The following MAPRE2 variants were observed in gnomAD, a reference collection of about 807,000 sequenced individuals.
MAPRE2 encodes microtubule-associated protein RP/EB family member 2.
A neutral mutation model predicts 43.2 loss-of-function variants in MAPRE2; 13 were observed. That is an observed-to-expected ratio of 0.30 (90% CI 0.20 to 0.48). MAPRE2 has a LOEUF of 0.48. Among genes scored for constraint, MAPRE2 ranks in the 20% least tolerant of loss-of-function variants. The pLI is 0.99. For synonymous variants in MAPRE2, 135 were observed against 148.8 expected (o/e 0.91, Z 0.68); for missense variants, 161 against 400.2 (o/e 0.40, Z 5.10).
intron 2 of MAPRE2, among the ~76,000 whole-genome samples, chr18:35,096,297 A>G (rs1908413778): frequency 6.6e-6 from 1 of 152,186 alleles, no homozygotes; most frequent in Admixed American, 6.5e-5. Flanking sequence ...GGAGATAGCA[A>G]AGAAAGAATG....
At chr18:35,087,228 G>A (rs901922659) in intron 2 of MAPRE2, among the ~76,000 whole-genome samples, 1 of 152,070 alleles carries the variant, frequency 6.6e-6, no homozygotes, top group Admixed American at 6.6e-5. Context: ...TAGGGCTGCA[G>A]GGGTACAGAC....
chr18:34,978,380 G>A (rs1384984058), intron 1 of MAPRE2: 4 of 824,280 alleles, frequency 4.9e-6, no homozygotes, highest in Non-Finnish European at 8.2e-6. Flanking sequence ...TATCGACCCT[G>A]GGGCCGCGCT....
chr18:35,031,258 T>C (rs986180157), intron 2 of MAPRE2, among the ~76,000 whole-genome samples: 3 of 152,250 alleles, frequency 2.0e-5, no homozygotes, highest in Admixed American at 1.3e-4. Flanking sequence ...TAGCACATAG[T>C]AAGTTCTCAA....
At chr18:35,107,899 A>G (rs1174013293) in intron 4 of MAPRE2, among the ~76,000 whole-genome samples, 3 of 150,896 alleles carry the variant, frequency 2.0e-5, no homozygotes, top group Non-Finnish European at 3.0e-5. Flanking sequence ...TTTCCCTTTA[A>G]TTCTCTCCAT....
chr18:35,005,535 G>T (rs1568969105), exon 2 of MAPRE2: 3 of 1,543,564 alleles, frequency 1.9e-6, no homozygotes, highest in Non-Finnish European at 1.8e-6. Context: ...CAGCCAGGGA[G>T]AAAGCCTGGA....
intron 2 of MAPRE2, chr18:35,082,385 G>A (rs138637630): frequency 1.1e-3 from 163 of 151,870 alleles, no homozygotes; most frequent in African/African-American, 3.6e-3. Flanking sequence ...ATCAGCATTG[G>A]TTTGCCTACC....
chr18:35,039,479 G>A (rs186339107), upstream of MAPRE2, among the ~76,000 whole-genome samples: 32 of 152,352 alleles, frequency 2.1e-4, no homozygotes, highest in Admixed American at 2.0e-3. Context: ...AAAATCTTAT[G>A]TAAAGTGAGA....
intron 1 of MAPRE2, among the ~76,000 whole-genome samples, chr18:34,991,923 T>C (rs1306904815): frequency 2.6e-5 from 4 of 152,212 alleles, no homozygotes; most frequent in Non-Finnish European, 4.4e-5. Context: ...GGAAGAGATT[T>C]TTAACACTAT....
Position 35,140,395 on chromosome 18 carries a change from C to G in MAPRE2, c.*26C>G, listed in dbSNP as rs3786313. The G allele has an allele frequency of 6.3e-7, 1 of 1,588,426 alleles. No individual in the cohort carries two copies. ...CCCACCCCGGCTGCTCTTGACACTT[C>G]CATTGTGTGTGGGAACGTTTCTTCT... On this transcript the variant is annotated 3_prime_UTR_variant, in exon 7 of 7. Transcript: ENST00000300249.
At chr18:35,060,995 A>G (rs1204762152) in intron 1 of MAPRE2, among the ~76,000 whole-genome samples, 1 of 152,208 alleles carries the variant, frequency 6.6e-6, no homozygotes, top group Admixed American at 6.5e-5. Flanking sequence ...GTTTTGAAAA[A>G]TAATCATTAA....
chr18:35,006,363 G>A (rs1187378364), intron 2 of MAPRE2, among the ~76,000 whole-genome samples: 7 of 151,986 alleles, frequency 4.6e-5, no homozygotes, highest in African/African-American at 9.7e-5. Flanking sequence ...GTGTGGGGAC[G>A]TATGTGTTTT....
At chr18:35,131,914 A>G (rs1036441892) in intron 5 of MAPRE2, 118 bp from the exon 6 acceptor site, 2 of 1,023,956 alleles carry the variant, frequency 2.0e-6, no homozygotes, top group South Asian at 1.6e-5. Context: ...AGACTTACAC[A>G]TTGGTTATTT....
chr18:35,028,458 A>G, intron 2 of MAPRE2, among the ~76,000 whole-genome samples: 1 of 152,314 alleles, frequency 6.6e-6, no homozygotes, highest in East Asian at 1.9e-4. Flanking sequence ...TATATAATGT[A>G]TACTATATTT....
chr18:35,030,433 A>G (rs986895574), intron 2 of MAPRE2, among the ~76,000 whole-genome samples: 2 of 152,226 alleles, frequency 1.3e-5, no homozygotes, highest in African/African-American at 4.8e-5. Context: ...AGCTAGGGAA[A>G]AAGAATGACA....
At chr18:34,978,493 C>A (rs1300188384) in intron 1 of MAPRE2, 2 of 1,551,288 alleles carry the variant, frequency 1.3e-6, no homozygotes, top group East Asian at 2.4e-5. Flanking sequence ...GCGATTTACA[C>A]TTTTGCTGAA....
At chr18:35,131,916 T>A in intron 5 of MAPRE2, 116 bp from the exon 6 acceptor site, 1 of 1,038,158 alleles carries the variant, frequency 9.6e-7, no homozygotes, top group East Asian at 2.6e-5. Flanking sequence ...ACTTACACAT[T>A]GGTTATTTCT....
chr18:35,078,058 G>C (rs948328142), intron 2 of MAPRE2, among the ~76,000 whole-genome samples: 1 of 152,118 alleles, frequency 6.6e-6, no homozygotes, highest in Admixed American at 6.5e-5. Flanking sequence ...AACAGGAAGA[G>C]TGTAAATTTG....
chr18:35,008,850 G>A (rs372675363), intron 2 of MAPRE2, among the ~76,000 whole-genome samples: 1 of 152,054 alleles, frequency 6.6e-6, no homozygotes, highest in Admixed American at 6.5e-5. Context: ...TAGTTTTAGG[G>A]TACTAGTTTC....
At chr18:35,101,010 T>G (rs1241915183) in intron 3 of MAPRE2, among the ~76,000 whole-genome samples, 1 of 152,110 alleles carries the variant, frequency 6.6e-6, no homozygotes, top group Non-Finnish European at 1.5e-5. Context: ...TTGCACTCCA[T>G]CCTGGGCGAC....
Sources: gnomAD v4.1 joint callset for allele counts (sites outside exome capture counted in the v4.1 genomes callset) on GRCh38, gnomAD v4.1.1 for gene constraint, MANE v1.5 for transcripts, NCBI Gene and HGNC (gene_info 2026-07-23, HGNC 2026-07-21) for gene names.